The following EPB41L4A variants were observed in gnomAD, a reference collection of about 807,000 sequenced individuals.
EPB41L4A encodes band 4.1-like protein 4A.
A neutral mutation model predicts 108.6 loss-of-function variants in EPB41L4A; 100 were observed. The observed-to-expected ratio is 0.92, with a 90% CI of 0.78 to 1.09. EPB41L4A has a LOEUF of 1.09. Ranked by LOEUF, EPB41L4A falls within the 50% of genes least tolerant of loss-of-function variation. The probability of loss-of-function intolerance (pLI) is 0.00; values close to 1 mark genes in which losing one functional copy is unlikely to be tolerated. For synonymous variants in EPB41L4A, 319 were observed against 289.0 expected (o/e 1.10, Z -1.05); for missense variants, 1,030 against 842.7 (o/e 1.22, Z -2.75).
intron 2 of EPB41L4A, among the ~76,000 whole-genome samples, chr5:112,293,714 A>G (rs1251689205): frequency 6.6e-6 from 1 of 152,182 alleles, no homozygotes; most frequent in Non-Finnish European, 1.5e-5. Flanking sequence ...GAAAGCATGC[A>G]GTGCAAGAAG....
At chr5:112,310,208 T>C (rs754954795) in intron 1 of EPB41L4A, among the ~76,000 whole-genome samples, 13 of 152,256 alleles carry the variant, frequency 8.5e-5, no homozygotes, top group Non-Finnish European at 1.5e-4. Context: ...TTTAGTTTTA[T>C]TGCTGTTATA....
At chr5:112,257,867 C>G (rs1252181937) in intron 9 of EPB41L4A, among the ~76,000 whole-genome samples, 1 of 152,130 alleles carries the variant, frequency 6.6e-6, no homozygotes, top group Admixed American at 6.5e-5. Context: ...CTAATGGCAA[C>G]ATAGGGAGAA....
At chr5:112,221,573 G>A (rs1313794101) in intron 12 of EPB41L4A, among the ~76,000 whole-genome samples, 1 of 152,138 alleles carries the variant, frequency 6.6e-6, no homozygotes, top group Admixed American at 6.5e-5. Context: ...TTAGCACTGT[G>A]TTTGGAATTT....
At chr5:112,274,355 T>G (rs1039526233) in intron 4 of EPB41L4A, among the ~76,000 whole-genome samples, 1 of 152,118 alleles carries the variant, frequency 6.6e-6, no homozygotes, top group African/African-American at 2.4e-5. Flanking sequence ...TTCAAAAGAT[T>G]ATATCTTAAG....
At chr5:112,291,094 A>G (rs1407175273) in intron 2 of EPB41L4A, among the ~76,000 whole-genome samples, 3 of 152,178 alleles carry the variant, frequency 2.0e-5, no homozygotes, top group Admixed American at 2.0e-4. Context: ...CAAACCCAAC[A>G]TATGCAAATC....
chr5:112,331,327 G>T (rs1035063329), intron 1 of EPB41L4A, among the ~76,000 whole-genome samples: 2 of 152,130 alleles, frequency 1.3e-5, no homozygotes, highest in African/African-American at 4.8e-5. Flanking sequence ...ACCCAGTTCT[G>T]CTGGTTTTAC....
intron 1 of EPB41L4A, among the ~76,000 whole-genome samples, chr5:112,349,389 G>A (rs931444090): frequency 6.6e-6 from 1 of 152,134 alleles, no homozygotes; most frequent in African/African-American, 2.4e-5. Context: ...AAGAATAGAG[G>A]TGAAGGGAAG....
At chr5:112,149,699 A>G (rs911159736) in intron 12 of EPB41L4A, among the ~76,000 whole-genome samples, 1 of 152,222 alleles carries the variant, frequency 6.6e-6, no homozygotes, top group Admixed American at 6.5e-5. Flanking sequence ...ATAATTCAGA[A>G]CAAATAAAAA....
chr5:112,319,628 T>C (rs1325162582), intron 1 of EPB41L4A, among the ~76,000 whole-genome samples: 4 of 152,176 alleles, frequency 2.6e-5, no homozygotes, highest in African/African-American at 9.7e-5. Flanking sequence ...CAAGCCGAAA[T>C]TGAGGGACAT....
At chr5:112,344,369 A>T (rs1287099774) in intron 1 of EPB41L4A, among the ~76,000 whole-genome samples, 1 of 152,120 alleles carries the variant, frequency 6.6e-6, no homozygotes, top group Non-Finnish European at 1.5e-5. Context: ...TTAATTTACA[A>T]TGACCAGGAT....
intron 1 of EPB41L4A, among the ~76,000 whole-genome samples, chr5:112,355,430 T>C (rs927730415): frequency 1.3e-5 from 2 of 152,214 alleles, no homozygotes; most frequent in African/African-American, 4.8e-5. Context: ...TAACCTCCTT[T>C]CCACAAACAT....
intron 22 of EPB41L4A, among the ~76,000 whole-genome samples, chr5:112,168,128 A>G (rs914912219): frequency 1.3e-5 from 2 of 152,172 alleles, no homozygotes; most frequent in African/African-American, 4.8e-5. Context: ...ATTTTTTCCC[A>G]TCTTATTAAA....
rs147919551 is a variant in EPB41L4A at position 112,336,603 on chromosome 5, A to C, written c.100-29113T>G. ...CCCTTGTGATTGGGTGGGGCCCTGT[A>C]ATTAGGGCTTACCACTGAGTGGATC... On this transcript the variant is annotated intron_variant, in intron 1 of 22. Coordinates refer to ENST00000261486, the MANE Select transcript of EPB41L4A (RefSeq NM_022140.5). Among the ~76,000 whole-genome samples the C allele has an allele frequency of 1.1e-3, 173 of 152,308 alleles. 1 individual carries two copies. The highest frequency in any genetic ancestry group is 6.8e-3 in the Middle Eastern group (2 of 294).
chr5:112,158,900 A>C (rs991835055), downstream of EPB41L4A, among the ~76,000 whole-genome samples: 8 of 152,196 alleles, frequency 5.3e-5, no homozygotes, highest in Non-Finnish European at 1.0e-4. Context: ...GACTTTCCCT[A>C]GCAAGAAGGC....
chr5:112,308,106 G>A (rs1705149610), intron 1 of EPB41L4A, among the ~76,000 whole-genome samples: 1 of 152,084 alleles, frequency 6.6e-6, no homozygotes, highest in African/African-American at 2.4e-5. Context: ...TACCTAAAAA[G>A]CTAATCTCTT....
In EPB41L4A at chr5:112,208,002, C is replaced by G. The variant is rs370070284; in HGVS notation, c.1178+1890G>C. On this transcript the variant is annotated intron_variant, in intron 13 of 22. Transcript: ENST00000261486. The stretch of plus-strand genomic sequence containing the variant: ...ATGGCTCACACCTGTAATCCCAGCA[C>G]TTTGGGATGCCAAGGCAGGCGGATC... Among the ~76,000 whole-genome samples the G allele has an allele frequency of 1.4e-3, 213 of 152,254 alleles. 1 individual carries two copies. Among genetic ancestry groups the G allele is most frequent in the African/African-American group, 4.9e-3 (205 of 41,552 alleles).
intron 1 of EPB41L4A, among the ~76,000 whole-genome samples, chr5:112,367,814 C>CCTCAGTACCTGGCTGAACAAACTGAA (rs1324326551): frequency 1.3e-5 from 2 of 148,596 alleles, no homozygotes; most frequent in African/African-American, 5.2e-5. Flanking sequence ...TCAATAAAGT[C>CCTCAGTACCTGGCTGAACAAACTGAA]CTCAGTACCT....
At chr5:112,407,645 C>G (rs1027258081) in intron 1 of EPB41L4A, among the ~76,000 whole-genome samples, 1 of 152,172 alleles carries the variant, frequency 6.6e-6, no homozygotes, top group African/African-American at 2.4e-5. Context: ...ATGCAAATAC[C>G]CTTTTTTCCA....
intron 1 of EPB41L4A, among the ~76,000 whole-genome samples, chr5:112,389,172 C>T (rs1760765273): frequency 2.0e-5 from 3 of 152,260 alleles, no homozygotes; most frequent in South Asian, 4.1e-4. Context: ...TTTTCAAACA[C>T]AAGAAAATTA....
Sources: allele counts gnomAD v4.1 joint callset (sites outside exome capture counted in the v4.1 genomes callset), GRCh38; gene constraint gnomAD v4.1.1; transcripts MANE v1.5; gene names NCBI Gene and HGNC (gene_info 2026-07-23, HGNC 2026-07-21).